U2SURP: variants seen among roughly 807,000 people sequenced by gnomAD.
U2SURP encodes the protein U2 snRNP-associated SURP motif-containing protein.
A neutral mutation model predicts 144.9 loss-of-function variants in U2SURP; 9 were observed. The ratio of observed to expected loss-of-function variants is 0.06; its 90% CI spans 0.04 to 0.11. U2SURP has a LOEUF of 0.11. U2SURP is among the 10% of genes least tolerant of loss of function. U2SURP has a pLI of 1.00. For missense variants in U2SURP, 724 were observed against 1,226.7 expected (o/e 0.59, Z 6.12); for synonymous variants, 408 against 396.8 (o/e 1.03, Z -0.33).
chr3:143,005,458 CTG>C (rs1250588534), intron 1 of U2SURP, among the ~76,000 whole-genome samples: 4 of 152,084 alleles, frequency 2.6e-5, no homozygotes, highest in Non-Finnish European at 4.4e-5. Context: ...CAATTTTAAA[CTG>C]AATCTTTATT....
intron 1 of U2SURP, among the ~76,000 whole-genome samples, chr3:143,004,847 C>T (rs998802670): frequency 3.3e-5 from 5 of 151,956 alleles, no homozygotes; most frequent in Non-Finnish European, 7.4e-5. Context: ...TTGTTTATCA[C>T]TAGTCTAAAA....
chr3:143,038,580 A>G (rs1167192172), intron 22 of U2SURP, among the ~76,000 whole-genome samples: 1 of 151,998 alleles, frequency 6.6e-6, no homozygotes, highest in Non-Finnish European at 1.5e-5. Context: ...CCTGTCTTTC[A>G]CACTTACTTA....
intron 25 of U2SURP, among the ~76,000 whole-genome samples, chr3:143,051,715 A>G (rs1016178063): frequency 2.6e-5 from 4 of 152,076 alleles, no homozygotes; most frequent in Non-Finnish European, 5.9e-5. Context: ...TTAATGTACA[A>G]AACGTGTTGG....
chr3:143,033,147 G>A, intron 17 of U2SURP, 124 bp from the exon 18 acceptor site: 1 of 822,336 alleles, frequency 1.2e-6, no homozygotes, highest in South Asian at 1.9e-5. Context: ...TTTCATCTCT[G>A]CCAGAGTCAT....
At chr3:143,020,251 A>C (rs528151731) in intron 7 of U2SURP, among the ~76,000 whole-genome samples, 1 of 152,312 alleles carries the variant, frequency 6.6e-6, no homozygotes, top group East Asian at 1.9e-4. Flanking sequence ...GATTCAGTTC[A>C]ATTGATTTAC....
intron 1 of U2SURP, among the ~76,000 whole-genome samples, chr3:143,008,973 C>T (rs1375814): frequency 0.67 from 102,614 of 152,034 alleles, 34,840 homozygotes; most frequent in African/African-American, 0.75. Context: ...TGGTCTCCAT[C>T]TCTTGATCCA....
intron 24 of U2SURP, 36 bp from the exon 25 acceptor site, chr3:143,050,903 T>C: frequency 7.1e-7 from 1 of 1,403,952 alleles, no homozygotes; most frequent in Non-Finnish European, 9.9e-7. Flanking sequence ...TCTAGAATGA[T>C]GAAAATGCTT....
At position 143,034,962 on chromosome 3, in the gene U2SURP, C is replaced by G. The variant is rs1254488420; in HGVS notation, c.1928C>G (p.Ser643Cys). ...CGTACAATTCAAGGCCATTTACAAT[C>G]TGAAAACTTTAAGGTACGTTTATTG... The part of the protein sequence containing the change: ...TYRTIQGHLQ[S>C]ENFKQRVMTC... The change falls in exon 19 of 28, where the codon TCT (serine) becomes TGT (cysteine). Residue 643 changes from serine (S) to cysteine (C), a missense_variant. Physicochemically the swap from Ser to Cys is moderately radical, Grantham distance 112. This residue lies in a region of U2SURP where 116 missense variants were observed against 167.9 expected (regional missense o/e 0.69). Transcript: ENST00000473835. 6.5e-7 allele frequency: 1 copy of G among 1,542,310 alleles called. No homozygotes were observed. Among genetic ancestry groups the G allele is most frequent in the Non-Finnish European group, 8.8e-7 (1 of 1,142,666 alleles).
In U2SURP at chr3:143,060,111, G is replaced by A. The variant is rs1343319881; in HGVS notation, c.*3661G>A. ...CAGTACCACCTCATGGAGCTTCAAT[G>A]TAAATGGATTATATGTATAATTGGT... On this transcript the variant is annotated 3_prime_UTR_variant, in exon 28 of 28. Coordinates refer to ENST00000473835, the MANE Select transcript of U2SURP (RefSeq NM_001080415.2). 6.6e-6 allele frequency: 1 copy of A among 152,442 alleles called. No individual in the cohort carries two copies. The highest frequency in any genetic ancestry group is 1.5e-5 in the Non-Finnish European group (1 of 67,904). The allele number at this position is 152,442 out of a possible 1,614,324, so 9.4% of individuals were successfully genotyped here.
chr3:143,032,811 G>A lies in U2SURP; in HGVS notation c.1638G>A (p.Leu546=), dbSNP rs1185735325. ...EEQRDKLEEI[L]RGLTPRKNDI... The stretch of plus-strand genomic sequence containing the variant: ...AGAGGGATAAATTGGAAGAAATCTT[G>A]CGGGGATTAACTCCAAGGAAAAATG... Residue 546 remains leucine (L), a synonymous_variant, in exon 17 of 28, where the codon TTG becomes TTA. Transcript: ENST00000473835. 4 of 1,612,978 alleles carry A rather than the reference G, an allele frequency of 2.5e-6. No individual in the cohort carries two copies. In the African/African-American group the frequency reaches 4.0e-5, roughly 16 times the overall value.
intron 16 of U2SURP, among the ~76,000 whole-genome samples, chr3:143,029,205 A>G (rs569140168): frequency 6.6e-6 from 1 of 152,370 alleles, no homozygotes; most frequent in African/African-American, 2.4e-5. Context: ...ACCTCATGGG[A>G]AAACATTGGC....
intron 25 of U2SURP, 115 bp downstream of exon 25, chr3:143,051,164 A>G (rs1934834141): frequency 4.8e-6 from 3 of 623,642 alleles, no homozygotes; most frequent in Non-Finnish European, 8.2e-6. Flanking sequence ...TAAATTTTGA[A>G]TACTAGTAGG....
chr3:143,029,503 G>A (rs1933353569), intron 16 of U2SURP, among the ~76,000 whole-genome samples: 1 of 152,180 alleles, frequency 6.6e-6, no homozygotes, highest in Non-Finnish European at 1.5e-5. Context: ...GGTCATATAA[G>A]AAGATGAACT....
At chr3:143,023,353 T>G (rs925393737) in intron 12 of U2SURP, 1 of 261,450 alleles carries the variant, frequency 3.8e-6, no homozygotes, top group African/African-American at 2.2e-5. Flanking sequence ...TAAATTTACT[T>G]TGTTCTGAGA....
At position 143,038,957 on chromosome 3, in the gene U2SURP, A is replaced by G. The variant is rs1933954563; in HGVS notation, c.2381A>G (p.Gln794Arg). 6 of 1,528,548 alleles carry G rather than the reference A, an allele frequency of 3.9e-6. No homozygotes were observed. Among genetic ancestry groups the G allele is most frequent in the East Asian group, 2.4e-5 (1 of 41,012 alleles). 94.7% of individuals were successfully genotyped at this position (1,528,548 alleles called of 1,614,324 possible). A position where few individuals can be genotyped will look rare whatever the true frequency, so the allele number is the denominator to read the frequency against. ...GAAGAATCAGAAGAAGAAGAAAATC[A>G]AAAGTAAGAATCTAAGTTTTGAATA... The part of the protein sequence containing the change: ...QHEESEEEEN[Q>R]NQEEESEDEE... The change falls in exon 23 of 28, where the codon CAA becomes CGA. Residue 794 changes from glutamine (Q) to arginine (R), a missense_variant. By Grantham distance (43) the Gln-to-Arg change is conservative. This residue lies in a region of U2SURP where 50 missense variants were observed against 48.0 expected (regional missense o/e 1.04). Transcript: ENST00000473835.
intron 13 of U2SURP, among the ~76,000 whole-genome samples, chr3:143,024,259 G>A (rs1303256507): frequency 1.3e-5 from 2 of 152,090 alleles, no homozygotes; most frequent in African/African-American, 4.8e-5. Context: ...TGACTAGTTA[G>A]AGTGTATTTA....
chr3:143,008,755 A>G (rs1250509770), intron 1 of U2SURP, among the ~76,000 whole-genome samples: 8 of 152,160 alleles, frequency 5.3e-5, no homozygotes, highest in East Asian at 1.9e-4. Flanking sequence ...TTGGAAGGCA[A>G]TTGAGTTTTT....
chr3:143,055,192 TTTGG>T, intron 27 of U2SURP, 73 bp downstream of exon 27: 1 of 1,377,754 alleles, frequency 7.3e-7, no homozygotes, highest in Admixed American at 3.1e-5. Flanking sequence ...TTGAAAATAA[TTTGG>T]TTGGCATACA....
intron 1 of U2SURP, among the ~76,000 whole-genome samples, chr3:143,009,340 G>T (rs762986457): frequency 2.0e-5 from 3 of 152,076 alleles, no homozygotes; most frequent in Non-Finnish European, 4.4e-5. Flanking sequence ...GCTCATGTCT[G>T]TAATCCTAGC....
Sources: allele counts gnomAD v4.1 joint callset (sites outside exome capture counted in the v4.1 genomes callset), GRCh38; gene constraint gnomAD v4.1.1; regional missense constraint gnomAD v4.1.1; transcripts MANE v1.5; gene names NCBI Gene and HGNC (gene_info 2026-07-23, HGNC 2026-07-21).